Variants in CDH10 observed in about 807,000 individuals in gnomAD.
CDH10 encodes cadherin-10.
A neutral mutation model predicts 73.1 loss-of-function variants in CDH10; 30 were observed. That is an observed-to-expected ratio of 0.41 (90% CI 0.31 to 0.56). The LOEUF is 0.56. Ranked by LOEUF, CDH10 falls within the 20% of genes least tolerant of loss-of-function variation. The pLI, the probability that CDH10 is intolerant of heterozygous loss-of-function variation, is 0.27. For missense variants in CDH10, 815 were observed against 973.7 expected (o/e 0.84, Z 2.17); for synonymous variants, 345 against 348.2 (o/e 0.99, Z 0.10).
intron 2 of CDH10, among the ~76,000 whole-genome samples, chr5:24,570,612 C>A (rs1194878477): frequency 6.6e-6 from 1 of 151,830 alleles, no homozygotes; most frequent in Non-Finnish European, 1.5e-5. Context: ...CCTGCAACAC[C>A]CATACTCAAA....
At chr5:24,599,505 A>G (rs1307304913) in intron 1 of CDH10, among the ~76,000 whole-genome samples, 1 of 152,194 alleles carries the variant, frequency 6.6e-6, no homozygotes, top group Non-Finnish European at 1.5e-5. Context: ...TGCATGTACT[A>G]ATGAATGGTG....
chr5:24,526,471 C>CACTAGCT (rs1201164026), intron 5 of CDH10, among the ~76,000 whole-genome samples: 2 of 151,798 alleles, frequency 1.3e-5, no homozygotes, highest in Non-Finnish European at 2.9e-5. Flanking sequence ...TGCTGTATTT[C>CACTAGCT]ACTAGCTACT....
chr5:24,593,253 A>T lies in CDH10; in HGVS notation c.231+7T>A. On this transcript the variant is annotated splice_region_variant and intron_variant, in intron 2 of 11. Transcript: ENST00000264463. ...TATAAACACGTGCCATTTTAACACA[A>T]GCTTACCTTGCCTACGTACTGATAA... The T allele has an allele frequency of 1.3e-6, 2 of 1,507,780 alleles. No homozygotes were observed. Among genetic ancestry groups the T allele is most frequent in the Non-Finnish European group, 9.2e-7 (1 of 1,084,018 alleles). 93.4% of individuals were successfully genotyped at this position (1,507,780 alleles called of 1,614,324 possible).
intron 8 of CDH10, chr5:24,499,252 A>G (rs1322231902): frequency 6.6e-6 from 1 of 152,652 alleles, no homozygotes; most frequent in Non-Finnish European, 1.5e-5. Context: ...TATTGCTGGT[A>G]CCATCTCAAC....
chr5:24,492,951 A>C, intron 9 of CDH10, 26 bp from the exon 10 acceptor site: 7 of 858,262 alleles, frequency 8.2e-6, no homozygotes, highest in Non-Finnish European at 1.2e-5. Context: ...AATATATCTC[A>C]TCAATATATC....
intron 7 of CDH10, among the ~76,000 whole-genome samples, 194 bp from the exon 8 acceptor site, chr5:24,505,442 C>T (rs571337081): frequency 3.9e-5 from 6 of 152,292 alleles, no homozygotes; most frequent in African/African-American, 1.2e-4. Context: ...ATTGGTACTG[C>T]TCTGCATTTC....
intron 1 of CDH10, among the ~76,000 whole-genome samples, chr5:24,603,386 C>A (rs1219170182): frequency 6.6e-6 from 1 of 152,082 alleles, no homozygotes. Context: ...AGAATATCAA[C>A]AACAAAACAA....
intron 2 of CDH10, among the ~76,000 whole-genome samples, chr5:24,560,524 G>A (rs912359900): frequency 3.3e-5 from 5 of 151,200 alleles, no homozygotes; most frequent in African/African-American, 2.4e-5. Flanking sequence ...AATAATGCTG[G>A]GCATTTGAAT....
At chr5:24,643,505 G>T (rs1318508983) in intron 1 of CDH10, among the ~76,000 whole-genome samples, 1 of 141,898 alleles carries the variant, frequency 7.0e-6, no homozygotes, top group Non-Finnish European at 1.5e-5. Flanking sequence ...CAGAAGGACA[G>T]ATTATTTTTA....
intron 1 of CDH10, among the ~76,000 whole-genome samples, chr5:24,598,695 C>T (rs567399206): frequency 2.8e-4 from 43 of 152,112 alleles, no homozygotes; most frequent in African/African-American, 5.3e-4. Context: ...AAGTTATCAA[C>T]CATTGCTAGG....
chr5:24,628,867 CACACACAG>C lies in CDH10; in HGVS notation c.-124+15719_-124+15726del, dbSNP rs1276683448. Reference sequence around the variant, plus strand: ...CTTGACACACACACACACACACACACACACACAGACACACACACATTCTATGTATTTTC... The same window carrying C: ...CTTGACACACACACACACACACACACACACACACACATTCTATGTATTTTC... On this transcript the variant is annotated intron_variant, in intron 1 of 11. Transcript: ENST00000264463. 4.7e-3 allele frequency among the ~76,000 whole-genome samples: 707 copies of C among 149,224 alleles called. 5 individuals are homozygous for C. Among genetic ancestry groups the C allele is most frequent in the African/African-American group, 0.017 (678 of 40,492 alleles).
intron 5 of CDH10, among the ~76,000 whole-genome samples, chr5:24,534,006 A>G (rs1428823302): frequency 6.6e-6 from 1 of 152,096 alleles, no homozygotes; most frequent in African/African-American, 2.4e-5. Context: ...GCTTTTAAAC[A>G]ATTTAATTTG....
At chr5:24,573,943 G>A (rs1259192156) in intron 2 of CDH10, among the ~76,000 whole-genome samples, 2 of 150,646 alleles carry the variant, frequency 1.3e-5, no homozygotes, top group African/African-American at 4.9e-5. Flanking sequence ...GGAGTGCAGT[G>A]GCGCGATCTC....
At chr5:24,560,877 C>T (rs962978175) in intron 2 of CDH10, among the ~76,000 whole-genome samples, 4 of 151,864 alleles carry the variant, frequency 2.6e-5, no homozygotes, top group African/African-American at 4.8e-5. Flanking sequence ...TACTAATATG[C>T]CTTTTTTTAC....
chr5:24,530,428 A>G (rs886608997), intron 5 of CDH10, among the ~76,000 whole-genome samples: 1 of 151,916 alleles, frequency 6.6e-6, no homozygotes, highest in African/African-American at 2.4e-5. Flanking sequence ...AGTTTTCACA[A>G]TTTTACATAA....
intron 1 of CDH10, among the ~76,000 whole-genome samples, chr5:24,596,370 CT>C (rs397972901): frequency 1.5e-4 from 22 of 147,576 alleles, no homozygotes; most frequent in South Asian, 2.2e-4. Context: ...TCTCAGCTGT[CT>C]TTTTTTTTTG....
rs143584329 is a variant in CDH10, at chr5:24,626,429, G to A, written c.-124+18165C>T. ...GCATGAAAGGGACAATAATCACGAT[G>A]GAAAAGCAGGTCCTAAAACATGAAA... On this transcript the variant is annotated intron_variant, in intron 1 of 11. Coordinates refer to ENST00000264463, the MANE Select transcript of CDH10 (RefSeq NM_006727.5). Among the ~76,000 whole-genome samples, 1,332 of 152,090 alleles carry A rather than the reference G, an allele frequency of 8.8e-3. 10 individuals are homozygous for A. Among genetic ancestry groups the A allele is most frequent in the Non-Finnish European group, 0.013 (913 of 67,986 alleles).
intron 1 of CDH10, among the ~76,000 whole-genome samples, chr5:24,603,479 A>G (rs73743675): frequency 0.012 from 1,814 of 152,308 alleles, 31 homozygotes; most frequent in African/African-American, 0.041. Context: ...TAAAACATAT[A>G]ATACATCATG....
chr5:24,542,775 T>C (rs1286568530), intron 2 of CDH10, among the ~76,000 whole-genome samples: 1 of 152,172 alleles, frequency 6.6e-6, no homozygotes, highest in Non-Finnish European at 1.5e-5. Flanking sequence ...TTATAGATGA[T>C]ACCTTCTGGC....
Sources: gnomAD v4.1 joint callset for allele counts (sites outside exome capture counted in the v4.1 genomes callset) on GRCh38, gnomAD v4.1.1 for gene constraint, MANE v1.5 for transcripts, NCBI Gene and HGNC (gene_info 2026-07-23, HGNC 2026-07-21) for gene names.